The following MCPH1 variants were observed in gnomAD, a reference collection of about 807,000 sequenced individuals.
MCPH1 encodes the protein microcephalin 1, also known as microcephalin.
In MCPH1, 104 loss-of-function variants were observed where a neutral mutation model predicts 84.5. The observed-to-expected ratio is 1.23, with a 90% CI of 1.05 to 1.45. The LOEUF (loss-of-function observed/expected upper bound fraction) is 1.45, where lower values mean the gene tolerates loss of function less well. MCPH1 is among the 40% of genes most tolerant of loss of function. The pLI is 0.00. For synonymous variants in MCPH1, 514 were observed against 366.8 expected (o/e 1.40, Z -4.58); for missense variants, 1,498 against 1,005.7 (o/e 1.49, Z -6.62).
intron 13 of MCPH1, among the ~76,000 whole-genome samples, chr8:6,638,749 T>A (rs1797734574): frequency 6.6e-6 from 1 of 152,052 alleles, no homozygotes; most frequent in South Asian, 2.1e-4. Flanking sequence ...TGAAGTGACA[T>A]TGGAATTTGG....
intron 2 of MCPH1, among the ~76,000 whole-genome samples, chr8:6,412,592 C>G (rs1262023018): frequency 6.6e-6 from 1 of 152,214 alleles, no homozygotes; most frequent in East Asian, 1.9e-4. Flanking sequence ...AGATGCAGCT[C>G]TTTGGGTCTC....
chr8:6,530,999 C>CT (rs112687351), intron 12 of MCPH1, among the ~76,000 whole-genome samples: 26,944 of 151,914 alleles, frequency 0.18, 2,870 homozygotes, highest in African/African-American at 0.3. Context: ...TAAATCTGCT[C>CT]TTTTTTTAAA....
chr8:6,510,042 C>A (rs1405534353), intron 12 of MCPH1, among the ~76,000 whole-genome samples: 1 of 152,160 alleles, frequency 6.6e-6, no homozygotes, highest in Non-Finnish European at 1.5e-5. Context: ...GTCGAAAAAT[C>A]TTAAGTTGAA....
chr8:6,589,046 T>A lies in MCPH1; in HGVS notation c.2215-32408T>A, dbSNP rs534863347. On this transcript the variant is annotated intron_variant, in intron 12 of 13. Transcript: ENST00000344683. ...AAGTAGATTTTTCTTAAACAATCAC[T>A]GTATGAAAACAAAAGTACAAAATTA... is the stretch of plus-strand genomic sequence containing the variant. 2.6e-5 allele frequency among the ~76,000 whole-genome samples: 4 copies of A among 152,260 alleles called. No individual in the cohort carries two copies. In the East Asian group the frequency reaches 7.7e-4, roughly 29 times the overall value.
chr8:6,509,463 C>G (rs901821942), intron 12 of MCPH1, among the ~76,000 whole-genome samples: 1 of 152,168 alleles, frequency 6.6e-6, no homozygotes, highest in Admixed American at 6.5e-5. Flanking sequence ...TTATTTTCCG[C>G]AGGGGGCCCC....
At chr8:6,624,331 T>C (rs578198750) in intron 13 of MCPH1, among the ~76,000 whole-genome samples, 1 of 152,364 alleles carries the variant, frequency 6.6e-6, no homozygotes, top group Non-Finnish European at 1.5e-5. Context: ...CATCTGGGTA[T>C]TGTGTGTGCT....
At chr8:6,636,727 A>G (rs1797583772) in intron 13 of MCPH1, among the ~76,000 whole-genome samples, 1 of 152,214 alleles carries the variant, frequency 6.6e-6, no homozygotes, top group South Asian at 2.1e-4. Flanking sequence ...GATGAAACAT[A>G]AATGAATTTT....
At chr8:6,528,681 G>A (rs922175953) in intron 12 of MCPH1, among the ~76,000 whole-genome samples, 5 of 152,206 alleles carry the variant, frequency 3.3e-5, no homozygotes, top group African/African-American at 4.8e-5. Context: ...AGGAAGAATC[G>A]ACTACTCACT....
At chr8:6,517,555 G>C (rs1816499766) in intron 12 of MCPH1, among the ~76,000 whole-genome samples, 1 of 152,204 alleles carries the variant, frequency 6.6e-6, no homozygotes, top group Admixed American at 6.5e-5. Context: ...TTCTTTTCTT[G>C]AATTAGATAA....
At chr8:6,642,175 A>T (rs528458055) in intron 13 of MCPH1, among the ~76,000 whole-genome samples, 1 of 152,164 alleles carries the variant, frequency 6.6e-6, no homozygotes, top group Non-Finnish European at 1.5e-5. Context: ...AATTATAATT[A>T]TATATTCACA....
chr8:6,417,753 A>G (rs566319139), intron 3 of MCPH1, among the ~76,000 whole-genome samples: 1 of 152,300 alleles, frequency 6.6e-6, no homozygotes, highest in South Asian at 2.1e-4. Context: ...AGTTATAAAT[A>G]GTTGTCTTAA....
intron 12 of MCPH1, among the ~76,000 whole-genome samples, chr8:6,567,441 C>T (rs796773997): frequency 9.8e-5 from 15 of 152,332 alleles, no homozygotes; most frequent in African/African-American, 3.4e-4. Context: ...TCGGCTCAGC[C>T]TTCTGTGTGG....
intron 12 of MCPH1, among the ~76,000 whole-genome samples, chr8:6,617,900 A>T (rs748651069): frequency 7.0e-6 from 1 of 143,014 alleles, no homozygotes; most frequent in East Asian, 2.1e-4. Context: ...CTATCTATCT[A>T]ATCTATCTAT....
intron 7 of MCPH1, among the ~76,000 whole-genome samples, chr8:6,444,147 G>C (rs1252847955): frequency 6.6e-6 from 1 of 152,178 alleles, no homozygotes; most frequent in African/African-American, 2.4e-5. Flanking sequence ...AAAATTTTTA[G>C]AAGTTTGTTA....
At chr8:6,466,429 T>C (rs1806956724) in intron 9 of MCPH1, among the ~76,000 whole-genome samples, 1 of 151,932 alleles carries the variant, frequency 6.6e-6, no homozygotes, top group Admixed American at 6.5e-5. Flanking sequence ...TGCCTCAACC[T>C]CCTGGGTAGC....
chr8:6,576,981 A>G (rs1246689005), intron 12 of MCPH1, among the ~76,000 whole-genome samples: 3 of 152,030 alleles, frequency 2.0e-5, no homozygotes, highest in Admixed American at 2.0e-4. Context: ...ATTCTGCGGA[A>G]TTCCTTCTCC....
chr8:6,449,372 G>A (rs1585843295), intron 8 of MCPH1, among the ~76,000 whole-genome samples: 1 of 152,150 alleles, frequency 6.6e-6, no homozygotes, highest in Admixed American at 6.5e-5. Flanking sequence ...GATGGCTCAC[G>A]CCTGTAATCT....
chr8:6,645,391 C>G lies in MCPH1; in HGVS notation c.*2342C>G, dbSNP rs899404782. The G allele has an allele frequency of 6.6e-6, 1 of 151,998 alleles. No individual in the cohort carries two copies. Among genetic ancestry groups the G allele is most frequent in the African/African-American group, 2.4e-5 (1 of 41,370 alleles). 9.4% of individuals were successfully genotyped at this position (151,998 alleles called of 1,614,324 possible). A position where few individuals can be genotyped will look rare whatever the true frequency, so the allele number is the denominator to read the frequency against. ...TACTGTGGGTCTGCAAAGCCTTACT[C>G]AAAACATATAGGGCTAGAGGTTCTC... On this transcript the variant is annotated 3_prime_UTR_variant, in exon 14 of 14. Coordinates refer to ENST00000344683, the MANE Select transcript of MCPH1 (RefSeq NM_024596.5).
chr8:6,527,899 A>ATTTTTTTTTTTTTTTTTT (rs71213313), intron 12 of MCPH1, among the ~76,000 whole-genome samples: 11 of 133,146 alleles, frequency 8.3e-5, no homozygotes, highest in Non-Finnish European at 1.6e-4. Flanking sequence ...CCACGTCTCT[A>ATTTTTTTTTTTTTTTTTT]TTTTTTTTTT....
Sources: allele counts gnomAD v4.1 joint callset (sites outside exome capture counted in the v4.1 genomes callset), GRCh38; gene constraint gnomAD v4.1.1; transcripts MANE v1.5; gene names NCBI Gene and HGNC (gene_info 2026-07-23, HGNC 2026-07-21).